NECTIN1: variants seen among roughly 807,000 people sequenced by gnomAD.
The protein encoded by NECTIN1 is nectin cell adhesion molecule 1, also known as nectin-1.
A neutral mutation model predicts 48.0 loss-of-function variants in NECTIN1; 23 were observed. The observed-to-expected ratio is 0.48, with a 90% CI of 0.34 to 0.68. NECTIN1 has a LOEUF of 0.68. Ranked by LOEUF, NECTIN1 falls within the 30% of genes least tolerant of loss-of-function variation. The pLI, the probability that NECTIN1 is intolerant of heterozygous loss-of-function variation, is 0.01. For synonymous variants in NECTIN1, 270 were observed against 288.9 expected (o/e 0.93, Z 0.66); for missense variants, 591 against 709.9 (o/e 0.83, Z 1.90).
intron 1 of NECTIN1, among the ~76,000 whole-genome samples, chr11:119,718,260 C>G (rs1865776683): frequency 6.6e-6 from 1 of 152,134 alleles, no homozygotes; most frequent in Admixed American, 6.5e-5. Context: ...TTTTTCTGCC[C>G]CCGTGATCTT....
At chr11:119,679,889 C>T (rs973029513) in intron 1 of NECTIN1, among the ~76,000 whole-genome samples, 1 of 152,162 alleles carries the variant, frequency 6.6e-6, no homozygotes, top group Non-Finnish European at 1.5e-5. Flanking sequence ...CTGATCTTCC[C>T]CACCAGAGCT....
rs1466386225 is a variant in NECTIN1 at position 119,678,830 on chromosome 11, C to T, written c.80-65G>A. 10 of 1,102,350 alleles carry T rather than the reference C, an allele frequency of 9.1e-6. No homozygotes were observed. Among genetic ancestry groups the T allele is most frequent in the Admixed American group, 2.0e-5 (1 of 50,920 alleles). The allele number at this position is 1,102,350 out of a possible 1,614,324, so 68.3% of individuals were successfully genotyped here. On this transcript the variant is annotated intron_variant, in intron 1 of 5. Transcript: ENST00000264025. The surrounding 1 kb of genome is among the most constrained non-coding windows in gnomAD (Gnocchi z 4.4). ...CAGCCTCCCCCCACCCACACAGTTCCCTGTGCTCTGGCCTTGTCTTTTATA... is the reference window on the plus strand; with the variant it reads ...CAGCCTCCCCCCACCCACACAGTTCTCTGTGCTCTGGCCTTGTCTTTTATA...
chr11:119,638,718 GCCTCAGGCCCACCTGGATAT>G lies in NECTIN1; in HGVS notation c.1220_1227+12del. 1 of 1,611,760 alleles carries G rather than the reference GCCTCAGGCCCACCTGGATAT, an allele frequency of 6.2e-7. No homozygotes were observed. The highest frequency in any genetic ancestry group is 8.5e-7 in the Non-Finnish European group (1 of 1,178,286). On this transcript the variant is annotated splice_donor_variant and splice_donor_5th_base_variant and coding_sequence_variant and intron_variant, in exon 7 of 8. Coordinates refer to the NECTIN1 transcript ENST00000341398. LOFTEE classifies it high-confidence loss of function. The stretch of plus-strand genomic sequence containing the variant: ...CAGTCCAGGGACCTTGTCCTCTGCT[GCCTCAGGCCCACCTGGATAT>G]CCTCAGGCACAAGGGAGCTTTGCCT...
In NECTIN1 at chr11:119,672,913, A is replaced by G. The variant is rs1864883151; in HGVS notation, c.1003+2246T>C. Among the ~76,000 whole-genome samples the G allele has an allele frequency of 6.6e-6, 1 of 152,180 alleles. No individual in the cohort carries two copies. Among genetic ancestry groups the G allele is most frequent in the African/African-American group, 2.4e-5 (1 of 41,438 alleles). On this transcript the variant is annotated intron_variant, in intron 5 of 5. Coordinates refer to ENST00000264025, the MANE Select transcript of NECTIN1 (RefSeq NM_002855.5). This position sits in a 1 kb window ranked among gnomAD's most constrained non-coding sequence, Gnocchi z 4.3. ...GTGGCCCAGCACACACGTGTTCTGCATATGCGTGTCCCTCCAGCACACCCC... is the reference window on the plus strand; with the variant it reads ...GTGGCCCAGCACACACGTGTTCTGCGTATGCGTGTCCCTCCAGCACACCCC...
intron 1 of NECTIN1, among the ~76,000 whole-genome samples, chr11:119,697,179 G>C (rs1464855609): frequency 1.3e-5 from 2 of 152,186 alleles, no homozygotes; most frequent in African/African-American, 4.8e-5. Context: ...AAAGACTGGT[G>C]GGAACTGGTT....
intron 1 of NECTIN1, among the ~76,000 whole-genome samples, chr11:119,695,189 T>C (rs1591471672): frequency 2.0e-5 from 3 of 152,182 alleles, no homozygotes; most frequent in East Asian, 1.9e-4. Context: ...AAATCAGATC[T>C]TGTTACACAA....
intron 5 of NECTIN1, 142 bp downstream of exon 5, chr11:119,675,017 C>T (rs1400832419): frequency 3.6e-6 from 4 of 1,100,976 alleles, no homozygotes; most frequent in East Asian, 2.6e-5. Flanking sequence ...CAAAGCAAAA[C>T]CAATGGCCAG....
At chr11:119,699,875 G>T (rs1591475212) in intron 1 of NECTIN1, among the ~76,000 whole-genome samples, 1 of 152,260 alleles carries the variant, frequency 6.6e-6, no homozygotes, top group East Asian at 1.9e-4. Flanking sequence ...TCTCTCCAAG[G>T]CCTCAGAAGA....
chr11:119,652,058 GC>G (rs1277302539), intron 5 of NECTIN1, among the ~76,000 whole-genome samples: 3 of 152,154 alleles, frequency 2.0e-5, no homozygotes, highest in Non-Finnish European at 4.4e-5. Context: ...CCCGCCGGCT[GC>G]CATCCAGCCC....
rs891609579 is a variant in NECTIN1, at chr11:119,695,205, C to CGGT, written c.80-16443_80-16441dup. Among the ~76,000 whole-genome samples the CGGT allele has an allele frequency of 3.0e-4, 45 of 152,176 alleles. 1 individual carries two copies. The highest frequency in any genetic ancestry group is 2.4e-3 in the Admixed American group (37 of 15,292). On this transcript the variant is annotated intron_variant, in intron 1 of 5. Transcript: ENST00000264025. Reference sequence around the variant, plus strand: ...AATCAGATCTTGTTACACAAGTCCCCGGTCGCTCTCCACTGCCTTGGGGTA... The same window carrying CGGT: ...AATCAGATCTTGTTACACAAGTCCCCGGTGGTCGCTCTCCACTGCCTTGGGGTA...
chr11:119,648,203 C>G (rs1466264560), intron 5 of NECTIN1, among the ~76,000 whole-genome samples: 5 of 120,876 alleles, frequency 4.1e-5, no homozygotes, highest in Admixed American at 8.6e-5. Flanking sequence ...TGTGATGGTA[C>G]TGGTGCAGTG....
rs544948857 is a variant in NECTIN1, at chr11:119,722,108, C to T, written c.79+6367G>A. Among the ~76,000 whole-genome samples the T allele has an allele frequency of 3.8e-4, 58 of 152,366 alleles. No individual in the cohort carries two copies. The South Asian group carries it at 0.012, about 30-fold the overall frequency. ...CCTTCTGGTTTACTGGATTTGCAGTCAGAAGACCCAGTGTCTAATTTGGCC... is the reference window on the plus strand; with the variant it reads ...CCTTCTGGTTTACTGGATTTGCAGTTAGAAGACCCAGTGTCTAATTTGGCC... On this transcript the variant is annotated intron_variant, in intron 1 of 5. Coordinates refer to ENST00000264025, the MANE Select transcript of NECTIN1 (RefSeq NM_002855.5).
chr11:119,676,702 A>G, intron 4 of NECTIN1: 1 of 299,272 alleles, frequency 3.3e-6, no homozygotes, highest in Non-Finnish European at 6.5e-6. Flanking sequence ...GAGAAGGAAT[A>G]GGGACAAAGA....
intron 1 of NECTIN1, among the ~76,000 whole-genome samples, chr11:119,697,961 C>T (rs1261145259): frequency 6.6e-6 from 1 of 152,254 alleles, no homozygotes; most frequent in Non-Finnish European, 1.5e-5. Flanking sequence ...TGAGTCTTCT[C>T]CCAGCTCCTT....
intron 1 of NECTIN1, among the ~76,000 whole-genome samples, chr11:119,716,152 C>A (rs906549552): frequency 6.6e-6 from 1 of 152,110 alleles, no homozygotes; most frequent in Non-Finnish European, 1.5e-5. Flanking sequence ...GTTGGGGGGG[C>A]GGATCTCCAG....
chr11:119,709,046 T>A lies in NECTIN1; in HGVS notation c.79+19429A>T, dbSNP rs986703682. On this transcript the variant is annotated intron_variant, in intron 1 of 5. Transcript: ENST00000264025. This position sits in a 1 kb window ranked among gnomAD's most constrained non-coding sequence, Gnocchi z 4.1. ...GGGCACCGGAGAGATCCTGAGACACTCTACCCCCCACGCCCGCCCACATAG... is the reference window on the plus strand; with the variant it reads ...GGGCACCGGAGAGATCCTGAGACACACTACCCCCCACGCCCGCCCACATAG... Among the ~76,000 whole-genome samples, 3 of 151,842 alleles carry A rather than the reference T, an allele frequency of 2.0e-5. No individual in the cohort carries two copies. Among genetic ancestry groups the A allele is most frequent in the Non-Finnish European group, 4.4e-5 (3 of 67,924 alleles).
In NECTIN1 at chr11:119,684,492, A is replaced by G. The variant is rs978346602; in HGVS notation, c.80-5727T>C. On this transcript the variant is annotated intron_variant, in intron 1 of 5. Coordinates refer to ENST00000264025, the MANE Select transcript of NECTIN1 (RefSeq NM_002855.5). This position sits in a 1 kb window ranked among gnomAD's most constrained non-coding sequence, Gnocchi z 5.2. The stretch of plus-strand genomic sequence containing the variant: ...GATGCATTTCTAGGGCTTTCCAGGG[A>G]TGCTCCCACCCCCACCCCAGGAACT... Among the ~76,000 whole-genome samples the G allele has an allele frequency of 4.6e-5, 7 of 152,100 alleles. No homozygotes were observed. The highest frequency in any genetic ancestry group is 8.8e-5 in the Non-Finnish European group (6 of 68,026).
In NECTIN1 at chr11:119,677,562, G is replaced by C. The variant is rs149433037; in HGVS notation, c.726C>G (p.Asn242Lys). 1.2e-6 allele frequency: 2 copies of C among 1,612,540 alleles called. No homozygotes were observed. The highest frequency in any genetic ancestry group is 1.3e-5 in the African/African-American group (1 of 74,878). Residue 242 changes from asparagine (N) to lysine (K), a missense_variant, in exon 3 of 6, where the codon AAC (asparagine) becomes AAG (lysine). Coordinates refer to ENST00000264025, the MANE Select transcript of NECTIN1 (RefSeq NM_002855.5). This position sits in a 1 kb window ranked among gnomAD's most constrained non-coding sequence, Gnocchi z 5.4. ...GCAGCCAGCCCTGCTCACACTGCAC[G>C]TTGAGAGTGAGGCTTTCCTTGAAGC... The part of the protein sequence containing the change: ...MDRFKESLTL[N>K]VQYEPEVTIE...
chr11:119,663,296 G>A lies in NECTIN1; in HGVS notation c.*1451C>T. Reference sequence around the variant, plus strand: ...AGGAACTGAGGCACTTTGAGCTGGGGGACTGAGAGGGCTGGGAGGGGTCTT... The same window carrying A: ...AGGAACTGAGGCACTTTGAGCTGGGAGACTGAGAGGGCTGGGAGGGGTCTT... On this transcript the variant is annotated 3_prime_UTR_variant, in exon 6 of 6. Coordinates refer to ENST00000264025, the MANE Select transcript of NECTIN1 (RefSeq NM_002855.5). The A allele has an allele frequency of 1.0e-6, 1 of 985,546 alleles. No individual in the cohort carries two copies. The highest frequency in any genetic ancestry group is 4.7e-5 in the South Asian group (1 of 21,292). 61.1% of individuals were successfully genotyped at this position (985,546 alleles called of 1,614,324 possible). A position where few individuals can be genotyped will look rare whatever the true frequency, so the allele number is the denominator to read the frequency against.
Sources: gnomAD v4.1 joint callset for allele counts (sites outside exome capture counted in the v4.1 genomes callset) on GRCh38, gnomAD v4.1.1 for gene constraint, Gnocchi (gnomAD v3.1) non-coding constraint, MANE v1.5 for transcripts, NCBI Gene and HGNC (gene_info 2026-07-23, HGNC 2026-07-21) for gene names.